Variants in TMEM272 observed in about 807,000 individuals in gnomAD.
TMEM272 encodes the protein long intergenic non-protein coding RNA 282.
A neutral mutation model predicts 3.7 loss-of-function variants in TMEM272; 8 were observed. The ratio of observed to expected loss-of-function variants is 2.17; its 90% CI spans 1.27 to 3.91. TMEM272 has a LOEUF of 3.91. Ranked by LOEUF, TMEM272 falls within the 30% of genes most tolerant of loss-of-function variation. The probability of loss-of-function intolerance (pLI) is 0.00; values close to 1 mark genes in which losing one functional copy is unlikely to be tolerated. For synonymous variants in TMEM272, 63 were observed against 39.8 expected (o/e 1.58, Z -2.20); for missense variants, 166 against 91.5 (o/e 1.81, Z -3.32).
upstream of TMEM272, among the ~76,000 whole-genome samples, chr13:51,849,957 C>T (rs1262767250): frequency 2.6e-5 from 4 of 152,164 alleles, no homozygotes; most frequent in Admixed American, 6.5e-5. Flanking sequence ...GGCTCATGCC[C>T]GTGACCGAGC....
Position 51,817,038 on chromosome 13 carries a change from CG to C in TMEM272, c.276del (p.Asp92GlufsTer20), listed in dbSNP as rs1566331243. On this transcript the variant is annotated frameshift_variant, in exon 5 of 5. Transcript: ENST00000629372. LOFTEE classifies it low-confidence loss of function (END_TRUNC). The stretch of plus-strand genomic sequence containing the variant: ...TTCTGCCTCCAGGGGTATTCGTCAT[CG>C]TCATCGTCATCAATCACCACGGCCT... The part of the protein sequence containing the change: ...LSKAVVIDDD[D>X]DDEYPWRQNA... 2 of 702,986 alleles carry C rather than the reference CG, an allele frequency of 2.8e-6. No individual in the cohort carries two copies. Among genetic ancestry groups the C allele is most frequent in the South Asian group, 3.0e-5 (2 of 67,598 alleles). The allele number at this position is 702,986 out of a possible 1,614,324, so 43.5% of individuals were successfully genotyped here.
chr13:51,901,300 G>A, the TMEM272 span, among the ~76,000 whole-genome samples: 6 of 152,196 alleles, frequency 3.9e-5, no homozygotes, highest in South Asian at 2.1e-4. Flanking sequence ...CTAGAAAGTT[G>A]TGCCTGGCAT....
chr13:51,890,762 G>A, the TMEM272 span, among the ~76,000 whole-genome samples: 4,312 of 152,222 alleles, frequency 0.028, 185 homozygotes, highest in African/African-American at 0.098. Flanking sequence ...GGTGCATGAG[G>A]AACTCTGAGC....
the TMEM272 span, among the ~76,000 whole-genome samples, chr13:51,912,317 G>C: frequency 1.3e-3 from 194 of 152,276 alleles, no homozygotes; most frequent in African/African-American, 4.5e-3. Context: ...ATTCACGCTT[G>C]TTCTTTGTGC....
At chr13:51,865,552 T>C in the TMEM272 span, 1 of 1,614,176 alleles carries the variant, frequency 6.2e-7, no homozygotes, top group Non-Finnish European at 8.5e-7. Context: ...TGAAAATTTT[T>C]CGTGAAAAAA....
the TMEM272 span, among the ~76,000 whole-genome samples, chr13:51,897,352 T>C: frequency 2.0e-5 from 3 of 148,750 alleles, no homozygotes; most frequent in African/African-American, 7.4e-5. Context: ...CATGCCACCA[T>C]GTCTGGCTAA....
chr13:51,868,805 A>G, the TMEM272 span, among the ~76,000 whole-genome samples: 1 of 152,234 alleles, frequency 6.6e-6, no homozygotes, highest in Non-Finnish European at 1.5e-5. Context: ...GAAATGAATC[A>G]TCTTTTATTC....
chr13:51,884,027 C>T, the TMEM272 span, among the ~76,000 whole-genome samples: 12 of 152,180 alleles, frequency 7.9e-5, no homozygotes, highest in African/African-American at 2.7e-4. Context: ...ACACTGGCAA[C>T]GTGGAGGGAC....
the TMEM272 span, among the ~76,000 whole-genome samples, chr13:51,862,889 T>G: frequency 6.6e-6 from 1 of 152,160 alleles, no homozygotes; most frequent in Admixed American, 6.5e-5. Context: ...ACCAATTCCC[T>G]CCTATATAGG....
chr13:51,854,398 C>A, the TMEM272 span, among the ~76,000 whole-genome samples: 1 of 152,222 alleles, frequency 6.6e-6, no homozygotes, highest in Non-Finnish European at 1.5e-5. Flanking sequence ...AGACTGGGTA[C>A]TTGAAACCTT....
At chr13:51,926,218 C>T in the TMEM272 span, among the ~76,000 whole-genome samples, 1 of 152,192 alleles carries the variant, frequency 6.6e-6, no homozygotes, top group East Asian at 1.9e-4. Flanking sequence ...TCTGTGCCTT[C>T]CCTGAATCCT....
chr13:51,886,695 G>A, the TMEM272 span, among the ~76,000 whole-genome samples: 1 of 152,092 alleles, frequency 6.6e-6, no homozygotes, highest in Non-Finnish European at 1.5e-5. Context: ...AAAGATTTGG[G>A]GCAGTATCTT....
At chr13:51,877,232 T>C in the TMEM272 span, among the ~76,000 whole-genome samples, 1 of 152,200 alleles carries the variant, frequency 6.6e-6, no homozygotes, top group East Asian at 1.9e-4. Context: ...GAAGATTAAA[T>C]GTGATAACAT....
At chr13:51,885,923 C>T in the TMEM272 span, among the ~76,000 whole-genome samples, 1 of 152,090 alleles carries the variant, frequency 6.6e-6, no homozygotes, top group African/African-American at 2.4e-5. Context: ...AAAAATATAG[C>T]GAGGGCCATA....
chr13:51,917,770 CT>C, the TMEM272 span, among the ~76,000 whole-genome samples: 2 of 152,190 alleles, frequency 1.3e-5, no homozygotes, highest in Non-Finnish European at 2.9e-5. Flanking sequence ...ACAAAAGTGC[CT>C]GCAGCAGCTA....
chr13:51,835,370 G>A (rs1188428450), intron 2 of TMEM272, among the ~76,000 whole-genome samples: 5 of 151,788 alleles, frequency 3.3e-5, no homozygotes, highest in African/African-American at 7.3e-5. Context: ...GAATACAGTC[G>A]TGCACCACCA....
the TMEM272 span, among the ~76,000 whole-genome samples, chr13:51,892,780 C>T: frequency 6.6e-6 from 1 of 152,130 alleles, no homozygotes; most frequent in Non-Finnish European, 1.5e-5. Context: ...GCTCACAGTT[C>T]CTGGGTCTGG....
At chr13:51,859,216 C>T in the TMEM272 span, among the ~76,000 whole-genome samples, 1 of 151,788 alleles carries the variant, frequency 6.6e-6, no homozygotes, top group South Asian at 2.1e-4. Context: ...ATCATAGCTG[C>T]CTGATTTGGC....
intron 2 of TMEM272, among the ~76,000 whole-genome samples, chr13:51,827,877 T>C (rs1215331068): frequency 6.6e-6 from 1 of 152,200 alleles, no homozygotes; most frequent in East Asian, 1.9e-4. Context: ...GATGGGCTCA[T>C]GACTTATATT....
Sources: gnomAD v4.1 joint callset for allele counts (sites outside exome capture counted in the v4.1 genomes callset) on GRCh38, gnomAD v4.1.1 for gene constraint, MANE v1.5 for transcripts, NCBI Gene and HGNC (gene_info 2026-07-23, HGNC 2026-07-21) for gene names.